GMPR: variants seen among roughly 807,000 people sequenced by gnomAD.
GMPR encodes GMP reductase 1.
Under a neutral mutation model 38.4 loss-of-function variants are expected in GMPR, and 31 were observed. The observed-to-expected ratio is 0.81, with a 90% CI of 0.61 to 1.09. The LOEUF is 1.09. Ranked by LOEUF, GMPR falls within the 50% of genes least tolerant of loss-of-function variation. The pLI is 0.00. For missense variants in GMPR, 468 were observed against 453.7 expected, an observed-to-expected ratio of 1.03 and a Z score of -0.29; for synonymous variants, 162 against 173.3, an observed-to-expected ratio of 0.93 and a Z score of 0.51.
rs549597112 is a variant in GMPR, at chr6:16,279,406, C to G, written c.654+516C>G. On this transcript the variant is annotated intron_variant, in intron 6 of 8. Transcript: ENST00000259727. ...TCCCCTTTTCCTGAGGATACTAGTC[C>G]TTTCAGATCAGGGGCCACCCTCCTC... Among the ~76,000 whole-genome samples the G allele has an allele frequency of 4.4e-4, 67 of 152,320 alleles. No homozygotes were observed. The East Asian group carries it at 6.2e-3, about 14-fold the overall frequency.
chr6:16,242,746 C>A (rs1251870304), intron 1 of GMPR, among the ~76,000 whole-genome samples: 2 of 152,146 alleles, frequency 1.3e-5, no homozygotes, highest in African/African-American at 4.8e-5. Flanking sequence ...TCAAGCAATT[C>A]TCCTGCCTCA....
At chr6:16,256,729 T>G (rs1388471842) in intron 4 of GMPR, among the ~76,000 whole-genome samples, 10 of 152,198 alleles carry the variant, frequency 6.6e-5, no homozygotes, top group Admixed American at 6.5e-4. Flanking sequence ...CCCTTGGTTC[T>G]TGAGACAGAA....
chr6:16,267,104 C>T (rs754135620), intron 4 of GMPR, among the ~76,000 whole-genome samples: 7 of 152,098 alleles, frequency 4.6e-5, no homozygotes, highest in Non-Finnish European at 8.8e-5. Context: ...TGGCTCACGC[C>T]TGTAATCCCG....
chr6:16,247,094 C>G (rs1358789860), intron 2 of GMPR, 133 bp downstream of exon 2: 5 of 788,388 alleles, frequency 6.3e-6, no homozygotes, highest in South Asian at 1.9e-5. Flanking sequence ...CTCTGTCTTT[C>G]CCTTCAATCA....
At chr6:16,287,998 ATTAC>A (rs1437139493) in intron 7 of GMPR, among the ~76,000 whole-genome samples, 9 of 152,134 alleles carry the variant, frequency 5.9e-5, no homozygotes, top group African/African-American at 2.2e-4. Flanking sequence ...CCTTCATCCT[ATTAC>A]TTAATACATC....
At chr6:16,266,215 G>T (rs1003955893) in intron 4 of GMPR, among the ~76,000 whole-genome samples, 2 of 150,240 alleles carry the variant, frequency 1.3e-5, no homozygotes, top group African/African-American at 2.5e-5. Flanking sequence ...TCGCTGCGAA[G>T]AATGAAGAAC....
rs1173950066 is a variant in GMPR, at chr6:16,295,037, T to C, written c.889T>C (p.Tyr297His). Residue 297 changes from tyrosine to histidine, a missense_variant, in exon 9 of 9, where the codon TAC becomes CAC. Tyr to His is a moderately conservative substitution (Grantham distance 83, BLOSUM62 2). Transcript: ENST00000259727. Reference sequence around the variant, plus strand: ...TGAGGGTAAGACTGTGGAAGTTCCTTACAAAGGAGATGTGGAAAACACTAT... The same window carrying C: ...TGAGGGTAAGACTGTGGAAGTTCCTCACAAAGGAGATGTGGAAAACACTAT... ...ASEGKTVEVP[Y>H]KGDVENTILD... 1 of 1,608,838 alleles carries C rather than the reference T, an allele frequency of 6.2e-7. No homozygotes were observed. The highest frequency in any genetic ancestry group is 1.1e-5 in the South Asian group (1 of 90,804).
In GMPR at chr6:16,238,631, GCCGCCCCGCGCAGGCGCCC is replaced by G. The variant is rs1433235712; in HGVS notation, c.-53_-35del. On this transcript the variant is annotated 5_prime_UTR_variant, in exon 1 of 9. Coordinates refer to ENST00000259727, the MANE Select transcript of GMPR (RefSeq NM_006877.4). ...GCACAGCAGCCCCGGCGCTCCCCGC[GCCGCCCCGCGCAGGCGCCC>G]CCGCCCCGCCGTCGCCGCCGCCGCA... 3 of 618,316 alleles carry G rather than the reference GCCGCCCCGCGCAGGCGCCC, an allele frequency of 4.9e-6. No homozygotes were observed. The highest frequency in any genetic ancestry group is 6.3e-6 in the Non-Finnish European group (3 of 475,456). 38.3% of individuals were successfully genotyped at this position (618,316 alleles called of 1,614,324 possible). A position where few individuals can be genotyped will look rare whatever the true frequency, so the allele number is the denominator to read the frequency against.
At chr6:16,266,684 G>T (rs945931283) in intron 4 of GMPR, among the ~76,000 whole-genome samples, 10 of 151,532 alleles carry the variant, frequency 6.6e-5, no homozygotes. Flanking sequence ...AGTGGCGGGC[G>T]CCTGTAGTCC....
At chr6:16,254,900 A>G (rs1339032583) in intron 4 of GMPR, among the ~76,000 whole-genome samples, 165 bp downstream of exon 4, 1 of 152,214 alleles carries the variant, frequency 6.6e-6, no homozygotes, top group Non-Finnish European at 1.5e-5. Flanking sequence ...CCGCTGCGGA[A>G]GATCTGAAAA....
At chr6:16,248,381 G>A (rs1201189630) in intron 2 of GMPR, among the ~76,000 whole-genome samples, 1 of 151,422 alleles carries the variant, frequency 6.6e-6, no homozygotes, top group African/African-American at 2.4e-5. Context: ...GGACATTTAT[G>A]GGTGAGGTGC....
intron 1 of GMPR, among the ~76,000 whole-genome samples, chr6:16,239,815 C>T (rs1758611753): frequency 1.3e-5 from 2 of 152,240 alleles, no homozygotes; most frequent in East Asian, 3.8e-4. Flanking sequence ...GGGAAGCCTC[C>T]GCGTTAGCCA....
At chr6:16,266,160 A>G (rs976683709) in intron 4 of GMPR, among the ~76,000 whole-genome samples, 1 of 44,652 alleles carries the variant, frequency 2.2e-5, no homozygotes, top group Admixed American at 1.9e-4. Context: ...AACACTTGCC[A>G]TCTTTAAGAG....
chr6:16,251,142 T>G (rs1758866345), intron 3 of GMPR, among the ~76,000 whole-genome samples: 1 of 152,184 alleles, frequency 6.6e-6, no homozygotes, highest in Non-Finnish European at 1.5e-5. Flanking sequence ...ACAACCCAAA[T>G]GTCTATCAGT....
intron 1 of GMPR, among the ~76,000 whole-genome samples, chr6:16,243,563 C>T (rs1434165353): frequency 6.6e-6 from 1 of 152,176 alleles, no homozygotes; most frequent in East Asian, 1.9e-4. Flanking sequence ...AGTTGGAAGA[C>T]GTCCCTGTAC....
In GMPR at chr6:16,295,154, G is replaced by T. The variant is rs1561838187; in HGVS notation, c.1006G>T (p.Val336Leu). ...ELSRRATFIR[V>L]TQQHNTVFS is the part of the protein sequence containing the mutation. ...CAGCAGGAGGGCAACATTCATCCGGGTGACCCAGCAGCACAACACCGTGTT... is the reference window on the plus strand; with the variant it reads ...CAGCAGGAGGGCAACATTCATCCGGTTGACCCAGCAGCACAACACCGTGTT... The change falls in exon 9 of 9, where the codon GTG (valine) becomes TTG (leucine). Residue 336 changes from valine to leucine, a missense_variant. Val to Leu is a conservative substitution (Grantham distance 32). Coordinates refer to ENST00000259727, the MANE Select transcript of GMPR (RefSeq NM_006877.4). 6.4e-7 allele frequency: 1 copy of T among 1,554,656 alleles called. No homozygotes were observed. Among genetic ancestry groups the T allele is most frequent in the Non-Finnish European group, 8.6e-7 (1 of 1,157,046 alleles).
At chr6:16,240,491 A>C (rs1056594047) in intron 1 of GMPR, among the ~76,000 whole-genome samples, 1 of 151,402 alleles carries the variant, frequency 6.6e-6, no homozygotes, top group Non-Finnish European at 1.5e-5. Context: ...AATTTAAAAA[A>C]TTAGGGCAGT....
chr6:16,255,981 C>T (rs1366681705), intron 4 of GMPR, among the ~76,000 whole-genome samples: 1 of 152,008 alleles, frequency 6.6e-6, no homozygotes, highest in Non-Finnish European at 1.5e-5. Context: ...TTTGGGAGGC[C>T]GAGGCAGGTG....
chr6:16,283,745 C>G (rs1759618986), intron 6 of GMPR, among the ~76,000 whole-genome samples: 1 of 152,104 alleles, frequency 6.6e-6, no homozygotes, highest in Admixed American at 6.5e-5. Context: ...TTCAGGACAC[C>G]ACAGGAGACA....
Sources: gnomAD v4.1 joint callset for allele counts (sites outside exome capture counted in the v4.1 genomes callset) on GRCh38, gnomAD v4.1.1 for gene constraint, MANE v1.5 for transcripts, NCBI Gene and HGNC (gene_info 2026-07-23, HGNC 2026-07-21) for gene names.